The following NKAIN2 variants were observed in gnomAD, a reference collection of about 807,000 sequenced individuals.
NKAIN2 encodes the protein sodium/potassium transporting ATPase interacting 2.
NKAIN2 carries 14 observed loss-of-function variants against 32.6 expected under a neutral mutation model. That is an observed-to-expected ratio of 0.43 (90% CI 0.28 to 0.67). NKAIN2 has a LOEUF of 0.67. NKAIN2 is among the 30% of genes least tolerant of loss of function. The probability of loss-of-function intolerance (pLI) is 0.17; values close to 1 mark genes in which losing one functional copy is unlikely to be tolerated. For missense variants in NKAIN2, 198 were observed against 258.3 expected (o/e 0.77, Z 1.60); for synonymous variants, 80 against 87.2 (o/e 0.92, Z 0.46).
chr6:124,162,695 T>A (rs2114457353), intron 1 of NKAIN2, among the ~76,000 whole-genome samples: 1 of 152,156 alleles, frequency 6.6e-6, no homozygotes, highest in East Asian at 1.9e-4. Context: ...GAAGGAGTCC[T>A]AGTGAAAGAA....
intron 1 of NKAIN2, among the ~76,000 whole-genome samples, chr6:124,258,149 A>C (rs925013621): frequency 6.8e-4 from 104 of 152,212 alleles, no homozygotes; most frequent in African/African-American, 2.3e-3. Flanking sequence ...GATTAAAAAA[A>C]AAAAAAAACT....
chr6:124,147,121 C>T (rs1787447498), intron 1 of NKAIN2, among the ~76,000 whole-genome samples: 1 of 152,136 alleles, frequency 6.6e-6, no homozygotes, highest in South Asian at 2.1e-4. Flanking sequence ...TACATGTGCA[C>T]TGCACTATTT....
intron 1 of NKAIN2, among the ~76,000 whole-genome samples, chr6:123,990,370 A>ATAT (rs1324478052): frequency 6.6e-6 from 1 of 152,222 alleles, no homozygotes; most frequent in Non-Finnish European, 1.5e-5. Context: ...CCATATTTTT[A>ATAT]GTATGCTACA....
chr6:124,155,308 AT>A (rs1376978326), intron 1 of NKAIN2, among the ~76,000 whole-genome samples: 2 of 152,080 alleles, frequency 1.3e-5, no homozygotes, highest in African/African-American at 4.8e-5. Flanking sequence ...TAGAAGGAGG[AT>A]ACTGAATGTT....
At position 124,392,802 on chromosome 6, in the gene NKAIN2, C is replaced by T. The variant is rs189650541; in HGVS notation, c.273+37455C>T. 8.5e-5 allele frequency among the ~76,000 whole-genome samples: 13 copies of T among 152,226 alleles called. No homozygotes were observed. The East Asian group carries it at 2.5e-3, about 29-fold the overall frequency. ...ATTTTATAAATAATTCAGTGAAAGG[C>T]TGGAGGTCTTATCTCATGTAATAAG... On this transcript the variant is annotated intron_variant, in intron 3 of 6. Transcript: ENST00000368417.
At chr6:123,898,653 C>T (rs1054640567) in intron 1 of NKAIN2, among the ~76,000 whole-genome samples, 1 of 151,780 alleles carries the variant, frequency 6.6e-6, no homozygotes, top group African/African-American at 2.4e-5. Flanking sequence ...AGTACCAGGC[C>T]TGTATAGTTT....
At chr6:124,250,212 G>C (rs542304584) in intron 1 of NKAIN2, among the ~76,000 whole-genome samples, 1 of 152,128 alleles carries the variant, frequency 6.6e-6, no homozygotes, top group South Asian at 2.1e-4. Context: ...CTGGTGCCTT[G>C]ATCAGGGATT....
chr6:123,925,887 T>G (rs566370580), intron 1 of NKAIN2, among the ~76,000 whole-genome samples: 1 of 152,344 alleles, frequency 6.6e-6, no homozygotes, highest in South Asian at 2.1e-4. Context: ...ACTAGATAGC[T>G]TATATAAACA....
chr6:124,744,343 A>G (rs1162124075), intron 4 of NKAIN2, among the ~76,000 whole-genome samples: 1 of 151,782 alleles, frequency 6.6e-6, no homozygotes, highest in African/African-American at 2.4e-5. Context: ...AGTTTATAAG[A>G]CCATCTGAGT....
chr6:123,832,174 ACT>A (rs148488740), intron 1 of NKAIN2, among the ~76,000 whole-genome samples: 2,252 of 152,160 alleles, frequency 0.015, 55 homozygotes, highest in African/African-American at 0.052. Context: ...TGATCTTTTT[ACT>A]GTCTCTGTAG....
At chr6:123,908,646 G>A (rs547973920) in intron 1 of NKAIN2, among the ~76,000 whole-genome samples, 6 of 151,974 alleles carry the variant, frequency 3.9e-5, no homozygotes, top group African/African-American at 1.4e-4. Flanking sequence ...CATTTTAAAA[G>A]GACATGGTTT....
intron 1 of NKAIN2, among the ~76,000 whole-genome samples, chr6:123,985,260 C>T (rs1779084228): frequency 6.6e-6 from 1 of 151,992 alleles, no homozygotes; most frequent in African/African-American, 2.4e-5. Flanking sequence ...ATTAGTTGGG[C>T]GTGGTGGTGG....
intron 1 of NKAIN2, among the ~76,000 whole-genome samples, chr6:124,093,330 G>A (rs1027479144): frequency 6.6e-6 from 1 of 152,070 alleles, no homozygotes; most frequent in Non-Finnish European, 1.5e-5. Flanking sequence ...AATAGTGTAA[G>A]TGTAGAAGCT....
At chr6:123,817,026 C>T (rs976854434) in intron 1 of NKAIN2, among the ~76,000 whole-genome samples, 1 of 152,028 alleles carries the variant, frequency 6.6e-6, no homozygotes, top group Non-Finnish European at 1.5e-5. Context: ...GTTGTATATA[C>T]TGGTGAGAGT....
Position 124,311,988 on chromosome 6 carries a change from C to A in NKAIN2, c.192+28846C>A, listed in dbSNP as rs918480969. 6.6e-5 allele frequency among the ~76,000 whole-genome samples: 10 copies of A among 152,246 alleles called. No individual in the cohort carries two copies. The South Asian group carries it at 2.1e-3, about 32-fold the overall frequency. On this transcript the variant is annotated intron_variant, in intron 2 of 6. Transcript: ENST00000368417. ...GATTGACCACTGTTAACCTCTAATT[C>A]TAACCCCTGTCAACCTCCAGTTGTA... is the stretch of plus-strand genomic sequence containing the variant.
At chr6:124,052,066 C>T (rs58174337) in intron 1 of NKAIN2, among the ~76,000 whole-genome samples, 12,253 of 151,988 alleles carry the variant, frequency 0.081, 652 homozygotes, top group East Asian at 0.25. Flanking sequence ...GCAATATCAA[C>T]AATACTTTTA....
intron 1 of NKAIN2, among the ~76,000 whole-genome samples, chr6:124,149,903 A>C (rs187207063): frequency 1.3e-5 from 2 of 151,984 alleles, no homozygotes; most frequent in Admixed American, 1.3e-4. Context: ...GTGCAGGCAC[A>C]ATGCCAAAAA....
intron 4 of NKAIN2, among the ~76,000 whole-genome samples, chr6:124,708,988 C>T (rs1455148252): frequency 4.1e-5 from 6 of 146,358 alleles, no homozygotes; most frequent in Non-Finnish European, 8.9e-5. Context: ...TCATAGATAG[C>T]TCTTATGATT....
At chr6:124,360,602 G>T (rs750736153) in intron 3 of NKAIN2, among the ~76,000 whole-genome samples, 5 of 151,362 alleles carry the variant, frequency 3.3e-5, no homozygotes, top group Admixed American at 1.3e-4. Flanking sequence ...AAAATCTAAA[G>T]AAAAATAAAA....
Sources: allele counts gnomAD v4.1 joint callset (sites outside exome capture counted in the v4.1 genomes callset), GRCh38; gene constraint gnomAD v4.1.1; transcripts MANE v1.5; gene names NCBI Gene and HGNC (gene_info 2026-07-23, HGNC 2026-07-21).